Variants in HAPLN1 observed in about 807,000 individuals in gnomAD.
The protein encoded by HAPLN1 is Cartilage link protein.
A neutral mutation model predicts 36.5 loss-of-function variants in HAPLN1; 13 were observed. The ratio of observed to expected loss-of-function variants is 0.36; its 90% CI spans 0.23 to 0.57. The LOEUF (loss-of-function observed/expected upper bound fraction) is 0.57. Ranked by LOEUF, HAPLN1 falls within the 20% of genes least tolerant of loss-of-function variation. HAPLN1 has a pLI of 0.83. For synonymous variants in HAPLN1, 202 were observed against 169.8 expected, an observed-to-expected ratio of 1.19 and a Z score of -1.48; for missense variants, 407 against 439.7, an observed-to-expected ratio of 0.93 and a Z score of 0.66.
At chr5:83,661,435 C>CT (rs56005008) in intron 2 of HAPLN1, among the ~76,000 whole-genome samples, 6,654 of 62,952 alleles carry the variant, frequency 0.11, 1,760 homozygotes, top group African/African-American at 0.2. Context: ...AGAAAAGCTT[C>CT]TTTTTTTTTT....
intron 2 of HAPLN1, among the ~76,000 whole-genome samples, chr5:83,654,179 A>C (rs564619248): frequency 1.7e-4 from 26 of 152,372 alleles, no homozygotes; most frequent in Admixed American, 2.6e-4. Context: ...AATCAGAATT[A>C]ATATTTTTAA....
chr5:83,652,267 G>T, intron 3 of HAPLN1, 186 bp downstream of exon 3: 1 of 558,204 alleles, frequency 1.8e-6, no homozygotes. Flanking sequence ...TAAGCATTGT[G>T]TATGCATTTC....
At chr5:83,704,301 G>A (rs550685407) in intron 1 of HAPLN1, among the ~76,000 whole-genome samples, 4 of 152,174 alleles carry the variant, frequency 2.6e-5, no homozygotes, top group African/African-American at 9.6e-5. Context: ...TAATACAAAA[G>A]CACACTTAAA....
chr5:83,676,576 C>T (rs1750866287), intron 1 of HAPLN1, among the ~76,000 whole-genome samples: 1 of 152,072 alleles, frequency 6.6e-6, no homozygotes, highest in African/African-American at 2.4e-5. Flanking sequence ...AGTGCTGGTC[C>T]CAGTAGAAAA....
chr5:83,714,293 T>C (rs1033857327), intron 1 of HAPLN1, among the ~76,000 whole-genome samples: 1 of 152,166 alleles, frequency 6.6e-6, no homozygotes, highest in Non-Finnish European at 1.5e-5. Flanking sequence ...AGCACATCTT[T>C]ATGTTGTAAG....
intron 1 of HAPLN1, among the ~76,000 whole-genome samples, chr5:83,700,589 A>G (rs918910937): frequency 1.6e-4 from 24 of 151,980 alleles, no homozygotes; most frequent in African/African-American, 5.8e-4. Context: ...TTTTATACCA[A>G]TTACAGTAAA....
Position 83,652,584 on chromosome 5 carries a change from A to G in HAPLN1, c.341T>C (p.Leu114Pro), listed in dbSNP as rs907324859. The G allele has an allele frequency of 5.6e-6, 9 of 1,614,072 alleles. No homozygotes were observed. In the Admixed American group the frequency reaches 6.7e-5, roughly 12 times the overall value. Residue 114 changes from leucine to proline, a missense_variant, in exon 3 of 5, where the codon CTG (leucine) becomes CCG (proline). Coordinates refer to ENST00000274341, the MANE Select transcript of HAPLN1 (RefSeq NM_001884.4). ...TYGGYQGRVF[L>P]KGGSDSDASL... ...AGCATCACTATCACTGCCTCCCTTCAGAAACACTCTACCCTGGTAGCCTCC... is the reference window on the plus strand; with the variant it reads ...AGCATCACTATCACTGCCTCCCTTCGGAAACACTCTACCCTGGTAGCCTCC...
chr5:83,663,150 C>G (rs1044683822), intron 2 of HAPLN1, among the ~76,000 whole-genome samples: 1 of 152,074 alleles, frequency 6.6e-6, no homozygotes, highest in African/African-American at 2.4e-5. Flanking sequence ...GAGCACAGGC[C>G]CCGTTCTAAA....
Position 83,649,728 on chromosome 5 carries a change from C to A in HAPLN1, c.472+2725G>T, listed in dbSNP as rs142957777. 5.5e-3 allele frequency among the ~76,000 whole-genome samples: 838 copies of A among 152,302 alleles called. 6 individuals carry two copies. Among genetic ancestry groups the A allele is most frequent in the African/African-American group, 0.019 (795 of 41,566 alleles). On this transcript the variant is annotated intron_variant, in intron 3 of 4. Transcript: ENST00000274341. ...CTTCCCAAAGTGCTGGGATTACAGG[C>A]GTGAACCACCATGCCCGGCCGTGTC...
At chr5:83,646,741 G>T (rs534640267) in intron 3 of HAPLN1, among the ~76,000 whole-genome samples, 75 of 152,342 alleles carry the variant, frequency 4.9e-4, no homozygotes, top group African/African-American at 1.8e-3. Context: ...ATCTAAGGAG[G>T]GCTCTGCCCA....
At chr5:83,700,771 C>T (rs1751491179) in intron 1 of HAPLN1, among the ~76,000 whole-genome samples, 1 of 151,938 alleles carries the variant, frequency 6.6e-6, no homozygotes, top group Non-Finnish European at 1.5e-5. Flanking sequence ...TCAACGATGG[C>T]ACAAGGCTCC....
At chr5:83,690,867 T>C (rs1751254248) in intron 1 of HAPLN1, among the ~76,000 whole-genome samples, 1 of 152,098 alleles carries the variant, frequency 6.6e-6, no homozygotes, top group East Asian at 1.9e-4. Flanking sequence ...CATATTTTTA[T>C]TAGTTTTATA....
At chr5:83,657,781 T>C (rs1750262710) in intron 2 of HAPLN1, among the ~76,000 whole-genome samples, 1 of 151,820 alleles carries the variant, frequency 6.6e-6, no homozygotes, top group Non-Finnish European at 1.5e-5. Flanking sequence ...TCGAGACTTT[T>C]GGATTTCCTA....
intron 1 of HAPLN1, among the ~76,000 whole-genome samples, chr5:83,703,011 C>A (rs1003548099): frequency 1.3e-5 from 2 of 152,186 alleles, no homozygotes; most frequent in African/African-American, 4.8e-5. Context: ...CATATCTGGC[C>A]TCCAGCAATT....
intron 1 of HAPLN1, among the ~76,000 whole-genome samples, chr5:83,713,570 C>T (rs1384317240): frequency 6.6e-6 from 1 of 152,152 alleles, no homozygotes; most frequent in East Asian, 1.9e-4. Flanking sequence ...CCAGAGTCTT[C>T]CAAATCTCCA....
At chr5:83,647,288 A>G (rs1420383239) in intron 3 of HAPLN1, among the ~76,000 whole-genome samples, 3 of 152,208 alleles carry the variant, frequency 2.0e-5, no homozygotes, top group Non-Finnish European at 4.4e-5. Context: ...TTCAATTGTA[A>G]GAATTGTCAA....
Position 83,644,448 on chromosome 5 carries a change from G to T in HAPLN1, c.690C>A (p.Asn230Lys). The change falls in exon 4 of 5, where the codon AAC becomes AAA. Residue 230 changes from asparagine to lysine, a missense_variant. Coordinates refer to ENST00000274341, the MANE Select transcript of HAPLN1 (RefSeq NM_001884.4). ...TKPREPCGGQ[N>K]TVPGVRNYGF... ...CGTAGTTCCTGACTCCGGGCACTGT[G>T]TTCTGCCCCCCACAGGGCTCTCTGG... The T allele has an allele frequency of 6.2e-7, 1 of 1,613,296 alleles. No homozygotes were observed.
Position 83,641,438 on chromosome 5 carries a change from A to T in HAPLN1, c.*58T>A. ...CTTGCATGAGTTCATATTGGAAAAA[A>T]AAAACACCTTTCACATGTTCTTAAT... On this transcript the variant is annotated 3_prime_UTR_variant, in exon 5 of 5. Transcript: ENST00000274341. The T allele has an allele frequency of 6.7e-7, 1 of 1,489,492 alleles. No individual in the cohort carries two copies. Among genetic ancestry groups the T allele is most frequent in the East Asian group, 2.3e-5 (1 of 43,408 alleles). The allele number at this position is 1,489,492 out of a possible 1,614,324, so 92.3% of individuals were successfully genotyped here.
Position 83,713,852 on chromosome 5 carries a change from G to A in HAPLN1, c.-27+6937C>T, listed in dbSNP as rs78961678. On this transcript the variant is annotated intron_variant, in intron 1 of 4. Coordinates refer to ENST00000274341, the MANE Select transcript of HAPLN1 (RefSeq NM_001884.4). ...TACGCTGTTTTGATGACCTCTGAAT[G>A]GGTTTTCCACCTCCAGTCTTGCTTT... Among the ~76,000 whole-genome samples, 299 of 152,172 alleles carry A rather than the reference G, an allele frequency of 2.0e-3. 9 individuals are homozygous for A. In the East Asian group the frequency reaches 0.052, roughly 26 times the overall value.
Sources: allele counts gnomAD v4.1 joint callset (sites outside exome capture counted in the v4.1 genomes callset), GRCh38; gene constraint gnomAD v4.1.1; transcripts MANE v1.5; gene names NCBI Gene and HGNC (gene_info 2026-07-23, HGNC 2026-07-21).